Variants in ZNF783 observed in about 807,000 individuals in gnomAD.
ZNF783 encodes zinc finger protein 783.
ZNF783 carries 25 observed loss-of-function variants against 31.3 expected under a neutral mutation model. The ratio of observed to expected loss-of-function variants is 0.80; its 90% CI spans 0.58 to 1.11. The LOEUF is 1.11. Ranked by LOEUF, ZNF783 falls within the 50% of genes most tolerant of loss-of-function variation. The probability of loss-of-function intolerance (pLI) is 0.00; values close to 1 mark genes in which losing one functional copy is unlikely to be tolerated. For missense variants in ZNF783, 797 were observed against 760.0 expected, an observed-to-expected ratio of 1.05 and a Z score of -0.57; for synonymous variants, 369 against 319.1, an observed-to-expected ratio of 1.16 and a Z score of -1.66.
intron 4 of ZNF783, chr7:149,277,038 C>G (rs13231583): frequency 0.1 from 15,292 of 152,032 alleles, 991 homozygotes; most frequent in Non-Finnish European, 0.15. Flanking sequence ...TTAGTAGAGA[C>G]GGGGTTTCAC....
chr7:149,278,891 C>T (rs921398755), intron 5 of ZNF783, among the ~76,000 whole-genome samples: 7 of 152,118 alleles, frequency 4.6e-5, no homozygotes, highest in Non-Finnish European at 1.0e-4. Flanking sequence ...CTGTGCCTAG[C>T]GCGGCGCCAG....
At chr7:149,265,765 G>A (rs1416911694) in intron 1 of ZNF783, among the ~76,000 whole-genome samples, 1 of 152,216 alleles carries the variant, frequency 6.6e-6, no homozygotes, top group African/African-American at 2.4e-5. Flanking sequence ...ATTGTACTAA[G>A]TGCTTTGTAC....
Position 149,282,394 on chromosome 7 carries a change from G to A in ZNF783, c.*51G>A. The A allele has an allele frequency of 7.3e-7, 1 of 1,375,854 alleles. No individual in the cohort carries two copies. The highest frequency in any genetic ancestry group is 9.5e-7 in the Non-Finnish European group (1 of 1,048,164). The allele number at this position is 1,375,854 out of a possible 1,614,324, so 85.2% of individuals were successfully genotyped here. ...CTGGCGGGGTCTCTCCCCTGTGCCT[G>A]ACGCAGGTTCTTCCTTTTCCTGGGA... is the stretch of plus-strand genomic sequence containing the variant. On this transcript the variant is annotated 3_prime_UTR_variant, in exon 6 of 6. Coordinates refer to ENST00000434415, the MANE Select transcript of ZNF783 (RefSeq NM_001195220.2).
intron 1 of ZNF783, among the ~76,000 whole-genome samples, chr7:149,264,281 G>A (rs1437195941): frequency 6.6e-6 from 1 of 152,210 alleles, no homozygotes; most frequent in Non-Finnish European, 1.5e-5. Flanking sequence ...TGCTAAGGGG[G>A]AGGGGCAGTG....
At position 149,278,499 on chromosome 7, in the gene ZNF783, G is replaced by A. The variant is rs752331597; in HGVS notation, c.774G>A (p.Ala258=). 7.5e-6 allele frequency: 12 copies of A among 1,599,230 alleles called. No homozygotes were observed. Among genetic ancestry groups the A allele is most frequent in the African/African-American group, 4.0e-5 (3 of 74,882 alleles). ...QAPKQQQDSE[A]RVAPAGPEAG... The stretch of plus-strand genomic sequence containing the variant: ...CCAAGCAGCAGCAGGACTCAGAGGC[G>A]AGAGTGGCCCCAGCCGGGCCAGAAG... The change falls in exon 5 of 6, where the codon GCG becomes GCA. Residue 258 remains alanine, a synonymous_variant. Transcript: ENST00000434415.
intron 1 of ZNF783, among the ~76,000 whole-genome samples, chr7:149,264,159 CT>C (rs1563193280): frequency 6.6e-6 from 1 of 152,224 alleles, no homozygotes; most frequent in East Asian, 1.9e-4. Context: ...CAGAATTTTT[CT>C]CCTGGAGAAG....
At chr7:149,279,654 T>TC (rs1554479776) in intron 5 of ZNF783, among the ~76,000 whole-genome samples, 1 of 128,338 alleles carries the variant, frequency 7.8e-6, no homozygotes, top group Non-Finnish European at 1.7e-5. Context: ...TTTTTTTTTT[T>TC]AATTTTTTTT....
At chr7:149,275,715 G>A (rs4725802) in intron 4 of ZNF783, 34,067 of 152,160 alleles carry the variant, frequency 0.22, 4,189 homozygotes, top group East Asian at 0.47. Context: ...AAGGAGCTGC[G>A]TGGAGTCTTC....
chr7:149,268,239 TCATCTAATAC>T lies in ZNF783; in HGVS notation c.673+1029_673+1038del, dbSNP rs558938368. 2.8e-4 allele frequency among the ~76,000 whole-genome samples: 42 copies of T among 152,282 alleles called. 1 individual carries two copies. Among genetic ancestry groups the T allele is most frequent in the African/African-American group, 9.9e-4 (41 of 41,560 alleles). On this transcript the variant is annotated intron_variant, in intron 4 of 5. Coordinates refer to ENST00000434415, the MANE Select transcript of ZNF783 (RefSeq NM_001195220.2). ...ATCACACCCACAGAATATCAGAATA[TCATCTAATAC>T]CATCTAATACCTAGCCTTTGTTTTG...
At position 149,283,803 on chromosome 7, in the gene ZNF783, A is replaced by C. The variant is rs931942758; in HGVS notation, c.*1460A>C. ...AGTTGTCAGGGTCAAAGTAACAGGC[A>C]CTGGGACAAATATGAAGCCTAGCTT... On this transcript the variant is annotated 3_prime_UTR_variant, in exon 6 of 6. Transcript: ENST00000434415. 6.6e-6 allele frequency: 1 copy of C among 152,210 alleles called. No homozygotes were observed. The highest frequency in any genetic ancestry group is 2.4e-5 in the African/African-American group (1 of 41,438). The allele number at this position is 152,210 out of a possible 1,614,324, so 9.4% of individuals were successfully genotyped here. A position where few individuals can be genotyped will look rare whatever the true frequency, so the allele number is the denominator to read the frequency against.
Position 149,282,504 on chromosome 7 carries a change from G to A in ZNF783, c.*161G>A. 1.5e-6 allele frequency: 1 copy of A among 658,374 alleles called. No individual in the cohort carries two copies. The allele number at this position is 658,374 out of a possible 1,614,324, so 40.8% of individuals were successfully genotyped here. ...CATTGTGTGTGACCGGGTGCTTTCT[G>A]TTTCCTGTTTGCACTCTTCGCTGCC... is the stretch of plus-strand genomic sequence containing the variant. On this transcript the variant is annotated 3_prime_UTR_variant, in exon 6 of 6. Coordinates refer to ENST00000434415, the MANE Select transcript of ZNF783 (RefSeq NM_001195220.2).
chr7:149,284,462 C>T lies in ZNF783; in HGVS notation c.*2119C>T, dbSNP rs1393274758. 6.6e-6 allele frequency: 1 copy of T among 152,336 alleles called. No homozygotes were observed. The highest frequency in any genetic ancestry group is 1.5e-5 in the Non-Finnish European group (1 of 68,174). The allele number at this position is 152,336 out of a possible 1,614,324, so 9.4% of individuals were successfully genotyped here. ...TCCTGCTTGTCTGCTCTGGAGTCCC[C>T]CCACCCTTGCCAGGAGCTTCACAAA... On this transcript the variant is annotated 3_prime_UTR_variant, in exon 6 of 6. Transcript: ENST00000434415.
rs547262884 is a variant in ZNF783, at chr7:149,283,164, T to G, written c.*821T>G. On this transcript the variant is annotated 3_prime_UTR_variant, in exon 6 of 6. Coordinates refer to ENST00000434415, the MANE Select transcript of ZNF783 (RefSeq NM_001195220.2). ...TTTTGTATTTTTAGTAGAGACAGGG[T>G]TTCATCATGTTGTCCAGACTGGTCT... 6.6e-6 allele frequency: 1 copy of G among 152,090 alleles called. No individual in the cohort carries two copies. Among genetic ancestry groups the G allele is most frequent in the African/African-American group, 2.4e-5 (1 of 41,390 alleles). The allele number at this position is 152,090 out of a possible 1,614,324, so 9.4% of individuals were successfully genotyped here.
intron 1 of ZNF783, among the ~76,000 whole-genome samples, chr7:149,264,987 A>G (rs1797030979): frequency 7.0e-6 from 1 of 143,828 alleles, no homozygotes; most frequent in African/African-American, 2.6e-5. Context: ...GAAGTGGGGG[A>G]GAAGGCTGGA....
intron 4 of ZNF783, among the ~76,000 whole-genome samples, chr7:149,269,770 T>C (rs981603051): frequency 2.6e-5 from 4 of 152,058 alleles, no homozygotes; most frequent in African/African-American, 9.7e-5. Flanking sequence ...GCTGCACCCA[T>C]TAACTCGTCA....
intron 4 of ZNF783, among the ~76,000 whole-genome samples, chr7:149,270,132 C>G (rs1198654931): frequency 2.0e-5 from 3 of 152,144 alleles, no homozygotes; most frequent in African/African-American, 7.2e-5. Flanking sequence ...AATAAACATA[C>G]GTATGCATGT....
At chr7:149,277,475 T>A (rs1797359193) in intron 4 of ZNF783, 1 of 152,132 alleles carries the variant, frequency 6.6e-6, no homozygotes, top group African/African-American at 2.4e-5. Flanking sequence ...GCACAGTGGC[T>A]CACTCCTGTA....
rs748619721 is a variant in ZNF783 at position 149,266,848 on chromosome 7, G to A, written c.450G>A (p.Val150=). ...KVPVTFDDVA[V]YFSELEWGKL... ...CCGTGACCTTCGATGATGTGGCCGT[G>A]TATTTCTCTGAGCTGGAGTGGGGCA... is the stretch of plus-strand genomic sequence containing the variant. Residue 150 remains valine (V), a synonymous_variant, in exon 3 of 6, where the codon GTG becomes GTA. Coordinates refer to ENST00000434415, the MANE Select transcript of ZNF783 (RefSeq NM_001195220.2). 1.2e-6 allele frequency: 2 copies of A among 1,614,066 alleles called. No homozygotes were observed. The highest frequency in any genetic ancestry group is 1.7e-5 in the Admixed American group (1 of 60,012).
At chr7:149,263,266 G>A (rs1252908982) in intron 1 of ZNF783, among the ~76,000 whole-genome samples, 16 of 33,256 alleles carry the variant, frequency 4.8e-4, no homozygotes, top group African/African-American at 8.7e-4. Flanking sequence ...ATATATATAC[G>A]TGTGTGTGTG....
Sources: gnomAD v4.1 joint callset for allele counts (sites outside exome capture counted in the v4.1 genomes callset) on GRCh38, gnomAD v4.1.1 for gene constraint, MANE v1.5 for transcripts, NCBI Gene and HGNC (gene_info 2026-07-23, HGNC 2026-07-21) for gene names.